The following ADCY1 variants were observed in gnomAD, a reference collection of about 807,000 sequenced individuals.
ADCY1 encodes adenylate cyclase type 1.
Under a neutral mutation model 105.4 loss-of-function variants are expected in ADCY1, and 28 were observed. That is an observed-to-expected ratio of 0.27 (90% CI 0.20 to 0.36). The LOEUF is 0.36. ADCY1 is among the 10% of genes least tolerant of loss of function. The pLI is 1.00. For missense variants in ADCY1, 977 were observed against 1,434.2 expected (o/e 0.68, Z 5.15); for synonymous variants, 655 against 623.8 (o/e 1.05, Z -0.75).
intron 8 of ADCY1, among the ~76,000 whole-genome samples, chr7:45,666,404 C>A (rs111550786): frequency 6.6e-6 from 1 of 151,984 alleles, no homozygotes; most frequent in Non-Finnish European, 1.5e-5. Flanking sequence ...TTTGTCCTTG[C>A]GATAGTTTGC....
chr7:45,639,297 A>G (rs570215142), intron 4 of ADCY1, among the ~76,000 whole-genome samples: 4 of 152,290 alleles, frequency 2.6e-5, no homozygotes, highest in African/African-American at 9.6e-5. Context: ...ATACCCATGT[A>G]TATTTGGGAG....
At chr7:45,644,378 C>A (rs1282975998) in intron 4 of ADCY1, among the ~76,000 whole-genome samples, 1 of 152,156 alleles carries the variant, frequency 6.6e-6, no homozygotes, top group Non-Finnish European at 1.5e-5. Context: ...AGTGCACTGG[C>A]CTATGTGAGC....
chr7:45,686,447 AC>A lies in ADCY1; in HGVS notation c.2328-98del. The stretch of plus-strand genomic sequence containing the variant: ...TCCCAGCAAGCTGTTTTTGGGTGTC[AC>A]CACCTGAGGGTCACTCTGAACAGTT... On this transcript the variant is annotated intron_variant, in intron 13 of 19. Transcript: ENST00000297323. This position sits in a 1 kb window ranked among gnomAD's most constrained non-coding sequence, Gnocchi z 4.3. The A allele has an allele frequency of 1.3e-6, 2 of 1,506,764 alleles. No individual in the cohort carries two copies. Among genetic ancestry groups the A allele is most frequent in the Non-Finnish European group, 1.8e-6 (2 of 1,126,522 alleles). The allele number at this position is 1,506,764 out of a possible 1,614,324, so 93.3% of individuals were successfully genotyped here.
At chr7:45,579,664 A>C (rs1056445260) in intron 1 of ADCY1, among the ~76,000 whole-genome samples, 1 of 152,110 alleles carries the variant, frequency 6.6e-6, no homozygotes, top group Non-Finnish European at 1.5e-5. Context: ...TCCTCCTGGC[A>C]CAGGGGTCAG....
intron 3 of ADCY1, among the ~76,000 whole-genome samples, chr7:45,621,183 A>G (rs756702063): frequency 2.0e-5 from 3 of 152,138 alleles, no homozygotes; most frequent in African/African-American, 4.8e-5. Context: ...CTCCCACCTC[A>G]GCCTCCCAAG....
Position 45,703,826 on chromosome 7 carries a change from T to C in ADCY1, c.2718+80T>C. 6.7e-7 allele frequency: 1 copy of C among 1,485,214 alleles called. No individual in the cohort carries two copies. The highest frequency in any genetic ancestry group is 1.4e-5 in the South Asian group (1 of 72,322). The allele number at this position is 1,485,214 out of a possible 1,614,324, so 92.0% of individuals were successfully genotyped here. ...TGCGTGGGCAGAGCGTGTCTCACAA[T>C]ATGTCACATTCTTCGTAGCTGGAAT... On this transcript the variant is annotated intron_variant, in intron 16 of 19. Coordinates refer to ENST00000297323, the MANE Select transcript of ADCY1 (RefSeq NM_021116.4). This position sits in a 1 kb window ranked among gnomAD's most constrained non-coding sequence, Gnocchi z 5.9.
chr7:45,696,541 A>G (rs890802879), intron 14 of ADCY1, among the ~76,000 whole-genome samples: 5 of 151,762 alleles, frequency 3.3e-5, no homozygotes, highest in Non-Finnish European at 5.9e-5. Flanking sequence ...GTTAGTGTCC[A>G]TGTGGAGTGA....
At chr7:45,623,883 T>C (rs1004970087) in intron 4 of ADCY1, among the ~76,000 whole-genome samples, 7 of 152,114 alleles carry the variant, frequency 4.6e-5, no homozygotes, top group Non-Finnish European at 8.8e-5. Flanking sequence ...CCGAGTTTCC[T>C]TGGACCCCAG....
intron 4 of ADCY1, among the ~76,000 whole-genome samples, chr7:45,639,048 G>A (rs1794470279): frequency 6.6e-6 from 1 of 152,174 alleles, no homozygotes; most frequent in Admixed American, 6.5e-5. Flanking sequence ...TGTTGGTGAT[G>A]CAAGTGGCCC....
At chr7:45,660,334 C>A in intron 7 of ADCY1, 151 bp downstream of exon 7, 2 of 1,121,272 alleles carry the variant, frequency 1.8e-6, no homozygotes, top group Non-Finnish European at 2.5e-6. Flanking sequence ...CCACTGACAC[C>A]GTCCTGAGCC....
intron 2 of ADCY1, among the ~76,000 whole-genome samples, chr7:45,598,418 T>C (rs1477901218): frequency 6.6e-6 from 1 of 152,128 alleles, no homozygotes. Flanking sequence ...TGAACAAAAA[T>C]GTCAAAAGTT....
chr7:45,606,607 G>A (rs1259834611), intron 2 of ADCY1, among the ~76,000 whole-genome samples: 1 of 152,126 alleles, frequency 6.6e-6, no homozygotes, highest in Non-Finnish European at 1.5e-5. Flanking sequence ...TTTAGTCTTG[G>A]TTGTTTGATG....
At chr7:45,672,171 T>C (rs1784379766) in intron 8 of ADCY1, among the ~76,000 whole-genome samples, 1 of 152,202 alleles carries the variant, frequency 6.6e-6, no homozygotes. Context: ...GATATCTGGT[T>C]TCTCCAGCAC....
rs1481441835 is a variant in ADCY1, at chr7:45,719,456, A to C, written c.*5461A>C. On this transcript the variant is annotated 3_prime_UTR_variant, in exon 20 of 20. Coordinates refer to ENST00000297323, the MANE Select transcript of ADCY1 (RefSeq NM_021116.4). ...CACCAGATTCCATTTCAGTTGCCAC[A>C]CATTTTGGGGCTAGACTTCCCTAAA... 1.3e-5 allele frequency: 2 copies of C among 152,248 alleles called. No homozygotes were observed. Among genetic ancestry groups the C allele is most frequent in the African/African-American group, 4.8e-5 (2 of 41,462 alleles). 9.4% of individuals were successfully genotyped at this position (152,248 alleles called of 1,614,324 possible).
chr7:45,708,446 G>C lies in ADCY1; in HGVS notation c.2914G>C (p.Asp972His), dbSNP rs767943820. 1 of 1,613,862 alleles carries C rather than the reference G, an allele frequency of 6.2e-7. No homozygotes were observed. Among genetic ancestry groups the C allele is most frequent in the Non-Finnish European group, 8.5e-7 (1 of 1,179,762 alleles). The part of the protein sequence containing the change: ...LDEINYQSYN[D>H]FVLRVGINVG... ...TGAAATCAACTACCAGTCTTACAAC[G>C]ACTTTGTCCTCCGAGTTGGTATGTG... The change falls in exon 18 of 20, where the codon GAC (aspartate) becomes CAC (histidine). Residue 972 changes from aspartate (D) to histidine (H), a missense_variant. Asp to His is a moderately conservative substitution (Grantham distance 81). Coordinates refer to ENST00000297323, the MANE Select transcript of ADCY1 (RefSeq NM_021116.4). The surrounding 1 kb of genome is among the most constrained non-coding windows in gnomAD (Gnocchi z 4.7).
In ADCY1 at chr7:45,591,207, C is replaced by T. The variant is rs1262610235; in HGVS notation, c.640-1552C>T. Among the ~76,000 whole-genome samples the T allele has an allele frequency of 2.0e-5, 3 of 152,188 alleles. No individual in the cohort carries two copies. The highest frequency in any genetic ancestry group is 7.2e-5 in the African/African-American group (3 of 41,440). On this transcript the variant is annotated intron_variant, in intron 1 of 19. Transcript: ENST00000297323. This position sits in a 1 kb window ranked among gnomAD's most constrained non-coding sequence, Gnocchi z 4.1. The stretch of plus-strand genomic sequence containing the variant: ...CCTCTCCCCTCCCTGTGGCCCCTGC[C>T]CCTGGTCAGTCTCAGCTCTCCTACC...
chr7:45,623,528 A>G (rs935165996), intron 4 of ADCY1, among the ~76,000 whole-genome samples: 2 of 152,202 alleles, frequency 1.3e-5, no homozygotes, highest in Admixed American at 6.5e-5. Flanking sequence ...TGAGCTGCAG[A>G]AGCCAACAGA....
rs532918105 is a variant in ADCY1 at position 45,686,189 on chromosome 7, G to A, written c.2301G>A (p.Leu767=). ...SGLTTSYILV[L]ELSGYTRTGG... is the part of the protein sequence containing the mutation. Reference sequence around the variant, plus strand: ...TCACCACGTCCTACATCCTCGTTCTGGAGCTCAGCGGATACACCAGGACTG... The same window carrying A: ...TCACCACGTCCTACATCCTCGTTCTAGAGCTCAGCGGATACACCAGGACTG... Residue 767 remains leucine, a synonymous_variant, in exon 13 of 20, where the codon CTG becomes CTA. Coordinates refer to ENST00000297323, the MANE Select transcript of ADCY1 (RefSeq NM_021116.4). This position sits in a 1 kb window ranked among gnomAD's most constrained non-coding sequence, Gnocchi z 4.3. 12 of 1,614,056 alleles carry A rather than the reference G, an allele frequency of 7.4e-6. No homozygotes were observed. The East Asian group carries it at 1.6e-4, about 21-fold the overall frequency.
intron 14 of ADCY1, among the ~76,000 whole-genome samples, chr7:45,699,407 G>A (rs1784949174): frequency 1.3e-5 from 2 of 152,308 alleles, no homozygotes; most frequent in East Asian, 3.9e-4. Flanking sequence ...TCTCTGTGAG[G>A]TGTTCAAGGA....
Sources: gnomAD v4.1 joint callset for allele counts (sites outside exome capture counted in the v4.1 genomes callset) on GRCh38, gnomAD v4.1.1 for gene constraint, Gnocchi (gnomAD v3.1) non-coding constraint, MANE v1.5 for transcripts, NCBI Gene and HGNC (gene_info 2026-07-23, HGNC 2026-07-21) for gene names.